DYNLRB2: variants seen among roughly 807,000 people sequenced by gnomAD.
The protein encoded by DYNLRB2 is bithoraxoid-like protein.
Under a neutral mutation model 12.6 loss-of-function variants are expected in DYNLRB2, and 14 were observed. The observed-to-expected ratio is 1.11, with a 90% CI of 0.73 to 1.73. The LOEUF (loss-of-function observed/expected upper bound fraction) is 1.73, where lower values mean the gene tolerates loss of function less well. DYNLRB2 is among the 40% of genes most tolerant of loss of function. The probability of loss-of-function intolerance (pLI) is 0.00; values close to 1 mark genes in which losing one functional copy is unlikely to be tolerated. For missense variants in DYNLRB2, 142 were observed against 117.7 expected (o/e 1.21, Z -0.95); for synonymous variants, 53 against 37.0 (o/e 1.43, Z -1.57).
At chr16:80,548,255 T>A (rs2142313547) in intron 2 of DYNLRB2, 1 of 164,702 alleles carries the variant, frequency 6.1e-6, no homozygotes, top group Admixed American at 6.0e-5. Flanking sequence ...ATGAAGGCTA[T>A]CTCGGATTAG....
chr16:80,547,510 T>C (rs992166521), intron 2 of DYNLRB2, among the ~76,000 whole-genome samples: 2 of 151,808 alleles, frequency 1.3e-5, no homozygotes, highest in African/African-American at 4.8e-5. Context: ...TGCACACTTA[T>C]TCAAAAAGGC....
intron 1 of DYNLRB2, among the ~76,000 whole-genome samples, chr16:80,541,751 A>G (rs893000795): frequency 6.6e-6 from 1 of 151,998 alleles, no homozygotes; most frequent in Non-Finnish European, 1.5e-5. Flanking sequence ...AGGGAAAGAA[A>G]AGAAAGGAGT....
In DYNLRB2 at chr16:80,543,288, GAA is replaced by G; in HGVS notation, c.18_19del (p.Glu6AspfsTer9). 1 of 1,614,004 alleles carries G rather than the reference GAA, an allele frequency of 6.2e-7. No individual in the cohort carries two copies. Among genetic ancestry groups the G allele is most frequent in the Non-Finnish European group, 8.5e-7 (1 of 1,179,908 alleles). The part of the protein sequence containing the change: MAEVE[E>X]TLKRIQSHKG... ...TGGTCTCTTTCAGGCAGAGGTGGAG[GAA>G]ACCTTAAAGAGGATCCAGAGTCATA... is the stretch of plus-strand genomic sequence containing the variant. On this transcript the variant is annotated frameshift_variant, in exon 2 of 4. Transcript: ENST00000305904. LOFTEE classifies it high-confidence loss of function.
At chr16:80,547,032 G>C (rs941395142) in intron 2 of DYNLRB2, among the ~76,000 whole-genome samples, 1 of 152,192 alleles carries the variant, frequency 6.6e-6, no homozygotes, top group African/African-American at 2.4e-5. Context: ...TGTGAAATGA[G>C]ATGACCAAGG....
In DYNLRB2 at chr16:80,541,048, C is replaced by T; in HGVS notation, c.-29C>T. On this transcript the variant is annotated 5_prime_UTR_variant, in exon 1 of 4. Coordinates refer to ENST00000305904, the MANE Select transcript of DYNLRB2 (RefSeq NM_130897.3). ...ACATCCCGGGAGGCTGTGCCGCCGG[C>T]CTGAGCCCAGAGTTTCGCGGCCTCC... The T allele has an allele frequency of 6.2e-7, 1 of 1,607,034 alleles. No individual in the cohort carries two copies. The highest frequency in any genetic ancestry group is 8.5e-7 in the Non-Finnish European group (1 of 1,176,054).
chr16:80,547,209 A>T (rs1460941803), intron 2 of DYNLRB2, among the ~76,000 whole-genome samples: 1 of 152,224 alleles, frequency 6.6e-6, no homozygotes, highest in East Asian at 1.9e-4. Context: ...AAGAGTATTA[A>T]ATTTAAAAAT....
chr16:80,549,318 G>A, intron 2 of DYNLRB2, 166 bp from the exon 3 acceptor site: 1 of 629,038 alleles, frequency 1.6e-6, no homozygotes, highest in Non-Finnish European at 2.6e-6. Context: ...AATCTACGTA[G>A]CGACAAAAGG....
At chr16:80,547,481 A>T (rs1377332833) in intron 2 of DYNLRB2, among the ~76,000 whole-genome samples, 3 of 145,328 alleles carry the variant, frequency 2.1e-5, no homozygotes, top group Non-Finnish European at 4.5e-5. Context: ...GATATGAAAA[A>T]CTCCATGTGT....
intron 2 of DYNLRB2, among the ~76,000 whole-genome samples, chr16:80,545,459 C>T (rs926152912): frequency 6.6e-5 from 10 of 151,954 alleles, no homozygotes; most frequent in Non-Finnish European, 8.8e-5. Context: ...GAGAACAAAG[C>T]GGTCACCGGC....
chr16:80,549,718 TATGA>T, intron 3 of DYNLRB2, 67 bp downstream of exon 3: 1 of 1,462,594 alleles, frequency 6.8e-7, no homozygotes, highest in South Asian at 1.4e-5. Context: ...GCCTTGTTTC[TATGA>T]ATGGTAAGTA....
At chr16:80,545,890 C>T (rs9929079) in intron 2 of DYNLRB2, among the ~76,000 whole-genome samples, 17,221 of 150,308 alleles carry the variant, frequency 0.11, 1,038 homozygotes, top group African/African-American at 0.13. Flanking sequence ...ACCATGGTTT[C>T]GATCTCCTGA....
rs564998108 is a variant in DYNLRB2, at chr16:80,544,351, A to T, written c.79+1000A>T. ...GTGAGGATTTTTAATTCATTTATAC[A>T]GTTAAAACATTTGTTTTATAACCAG... On this transcript the variant is annotated intron_variant, in intron 2 of 3. Coordinates refer to ENST00000305904, the MANE Select transcript of DYNLRB2 (RefSeq NM_130897.3). Among the ~76,000 whole-genome samples, 9 of 152,346 alleles carry T rather than the reference A, an allele frequency of 5.9e-5. No individual in the cohort carries two copies. In the East Asian group the frequency reaches 1.7e-3, roughly 29 times the overall value.
At chr16:80,543,442 T>C in intron 2 of DYNLRB2, 91 bp downstream of exon 2, 1 of 1,213,596 alleles carries the variant, frequency 8.2e-7, no homozygotes, top group Non-Finnish European at 1.2e-6. Flanking sequence ...ATCTTCGAAT[T>C]TGACATCAAA....
intron 2 of DYNLRB2, among the ~76,000 whole-genome samples, chr16:80,543,995 G>GT (rs1362167616): frequency 6.6e-6 from 1 of 152,196 alleles, no homozygotes; most frequent in Non-Finnish European, 1.5e-5. Context: ...GTTCATGCTA[G>GT]TTTCATTGCT....
At chr16:80,549,875 T>A (rs1904731311) in intron 3 of DYNLRB2, among the ~76,000 whole-genome samples, 1 of 152,250 alleles carries the variant, frequency 6.6e-6, no homozygotes, top group South Asian at 2.1e-4. Context: ...TTTGCCCACT[T>A]GCATTTATTA....
chr16:80,545,366 C>G lies in DYNLRB2; in HGVS notation c.79+2015C>G, dbSNP rs546077968. 9.2e-5 allele frequency among the ~76,000 whole-genome samples: 14 copies of G among 152,184 alleles called. No homozygotes were observed. The South Asian group carries it at 2.7e-3, about 29-fold the overall frequency. ...GGAATTTTTAAAGTAACTAATTTTA[C>G]TTGATGAACATTACTCTATTTAAAA... On this transcript the variant is annotated intron_variant, in intron 2 of 3. Coordinates refer to ENST00000305904, the MANE Select transcript of DYNLRB2 (RefSeq NM_130897.3).
In DYNLRB2 at chr16:80,541,097, G is replaced by A. The variant is rs1345120640; in HGVS notation, c.3+18G>A. Reference sequence around the variant, plus strand: ...CCGCGATGGTAAATCTGGGGTCTCCGTCCACGCCCCGCCGTTCCAAGCACG... The same window carrying A: ...CCGCGATGGTAAATCTGGGGTCTCCATCCACGCCCCGCCGTTCCAAGCACG... On this transcript the variant is annotated intron_variant, in intron 1 of 3. Coordinates refer to ENST00000305904, the MANE Select transcript of DYNLRB2 (RefSeq NM_130897.3). The A allele has an allele frequency of 1.3e-6, 2 of 1,599,380 alleles. No individual in the cohort carries two copies. Among genetic ancestry groups the A allele is most frequent in the African/African-American group, 1.3e-5 (1 of 74,834 alleles).
At chr16:80,543,383 A>G in intron 2 of DYNLRB2, 32 bp downstream of exon 2, 1 of 1,608,570 alleles carries the variant, frequency 6.2e-7, no homozygotes, top group East Asian at 2.2e-5. Context: ...TTCTTGACAC[A>G]CAGAAGCCAA....
chr16:80,544,495 A>C (rs1033460881), intron 2 of DYNLRB2, among the ~76,000 whole-genome samples: 3 of 152,210 alleles, frequency 2.0e-5, no homozygotes, highest in African/African-American at 7.2e-5. Context: ...AACTATGCGT[A>C]ATATTTCCAG....
Sources: gnomAD v4.1 joint callset for allele counts (sites outside exome capture counted in the v4.1 genomes callset) on GRCh38, gnomAD v4.1.1 for gene constraint, MANE v1.5 for transcripts, NCBI Gene and HGNC (gene_info 2026-07-23, HGNC 2026-07-21) for gene names.